Variants in EDIL3 observed in about 807,000 individuals in gnomAD.
The protein encoded by EDIL3 is EGF like and discoidin domains 3, also known as EGF-like repeat and discoidin I-like domain-containing protein 3.
Under a neutral mutation model 67.4 loss-of-function variants are expected in EDIL3, and 37 were observed. That is an observed-to-expected ratio of 0.55 (90% confidence interval 0.42 to 0.72). The LOEUF (loss-of-function observed/expected upper bound fraction) is 0.72, where lower values mean the gene tolerates loss of function less well. EDIL3 is among the 30% of genes least tolerant of loss of function. The pLI, the probability that EDIL3 is intolerant of heterozygous loss-of-function variation, is 0.00. For synonymous variants in EDIL3, 195 were observed against 196.3 expected (o/e 0.99, Z 0.05); for missense variants, 527 against 586.3 (o/e 0.90, Z 1.04).
chr5:84,262,625 T>A (rs1194976267), intron 1 of EDIL3, among the ~76,000 whole-genome samples: 1 of 143,992 alleles, frequency 6.9e-6, no homozygotes, highest in Non-Finnish European at 1.5e-5. Context: ...AACCAGGAAA[T>A]TCAACCATAA....
At chr5:84,084,936 T>A (rs2112261936) in intron 6 of EDIL3, among the ~76,000 whole-genome samples, 1 of 152,362 alleles carries the variant, frequency 6.6e-6, no homozygotes, top group African/African-American at 2.4e-5. Context: ...AATCTACAGT[T>A]CAATTAAAAA....
chr5:84,123,591 G>A (rs963010682), intron 5 of EDIL3, among the ~76,000 whole-genome samples: 6 of 151,828 alleles, frequency 4.0e-5, no homozygotes, highest in African/African-American at 1.4e-4. Context: ...CATTTGAAAA[G>A]TTAGTTTTAA....
chr5:84,336,356 G>C (rs2112171720), intron 1 of EDIL3, among the ~76,000 whole-genome samples: 1 of 152,264 alleles, frequency 6.6e-6, no homozygotes, highest in African/African-American at 2.4e-5. Flanking sequence ...TTATGACTTA[G>C]GTTACTTCTT....
At chr5:84,060,889 T>C (rs983243112) in intron 8 of EDIL3, among the ~76,000 whole-genome samples, 12 of 152,202 alleles carry the variant, frequency 7.9e-5, no homozygotes, top group African/African-American at 2.9e-4. Context: ...GTATTGTTTT[T>C]CTTTTATTTG....
chr5:84,093,115 A>G (rs1580323212), intron 6 of EDIL3, among the ~76,000 whole-genome samples: 1 of 152,166 alleles, frequency 6.6e-6, no homozygotes, highest in Non-Finnish European at 1.5e-5. Context: ...TAGTAAACTG[A>G]GTCGCCAGGG....
chr5:84,064,898 T>A, intron 7 of EDIL3, 54 bp from the exon 8 acceptor site: 1 of 1,563,028 alleles, frequency 6.4e-7, no homozygotes, highest in Non-Finnish European at 8.7e-7. Context: ...TACCTATTTT[T>A]ACATATTTAC....
Position 84,251,395 on chromosome 5 carries a change from G to A in EDIL3, c.196+2689C>T, listed in dbSNP as rs376924098. 4.9e-4 allele frequency among the ~76,000 whole-genome samples: 74 copies of A among 150,444 alleles called. No homozygotes were observed. In the East Asian group the frequency reaches 0.012, roughly 25 times the overall value. On this transcript the variant is annotated intron_variant, in intron 2 of 10. Transcript: ENST00000296591. ...CAAAGTGCTGGGATTACCGACCAGC[G>A]TGAGCCACCACGCCCGGCCTTTTTT...
intron 9 of EDIL3, among the ~76,000 whole-genome samples, chr5:84,022,411 A>G (rs1015456739): frequency 1.3e-5 from 2 of 151,962 alleles, no homozygotes; most frequent in Non-Finnish European, 2.9e-5. Flanking sequence ...TTAAAAGACC[A>G]TACCTTGAAA....
chr5:84,141,585 G>A (rs1748190351), intron 4 of EDIL3, among the ~76,000 whole-genome samples: 1 of 148,106 alleles, frequency 6.8e-6, no homozygotes, highest in South Asian at 2.1e-4. Context: ...GAAGAAAGAA[G>A]GAGAAGAAGG....
chr5:84,353,933 T>G (rs1008236166), intron 1 of EDIL3, among the ~76,000 whole-genome samples: 4 of 152,074 alleles, frequency 2.6e-5, no homozygotes, highest in Non-Finnish European at 5.9e-5. Flanking sequence ...AAACAGAGAG[T>G]GCTGTTTAAA....
At chr5:84,262,668 T>G (rs1164299179) in intron 1 of EDIL3, among the ~76,000 whole-genome samples, 6 of 105,748 alleles carry the variant, frequency 5.7e-5, no homozygotes, top group South Asian at 3.9e-4. Flanking sequence ...GGTTTTTTTT[T>G]TTTTTTTTTT....
At chr5:84,122,552 T>G (rs1747795638) in intron 5 of EDIL3, among the ~76,000 whole-genome samples, 1 of 151,868 alleles carries the variant, frequency 6.6e-6, no homozygotes, top group Non-Finnish European at 1.5e-5. Flanking sequence ...CAATTGAGAC[T>G]CAGAGAGGTT....
At chr5:84,160,111 A>T (rs1459423261) in intron 4 of EDIL3, among the ~76,000 whole-genome samples, 1 of 152,116 alleles carries the variant, frequency 6.6e-6, no homozygotes, top group Admixed American at 6.6e-5. Flanking sequence ...GCTTTGTAGA[A>T]CTACTACTCC....
chr5:84,284,561 T>C (rs1282294191), intron 1 of EDIL3, among the ~76,000 whole-genome samples: 1 of 152,200 alleles, frequency 6.6e-6, no homozygotes, highest in African/African-American at 2.4e-5. Context: ...TTATAATCAA[T>C]CTCATGATAT....
intron 10 of EDIL3, among the ~76,000 whole-genome samples, chr5:83,955,785 G>A (rs1043653987): frequency 6.6e-6 from 1 of 151,766 alleles, no homozygotes; most frequent in Non-Finnish European, 1.5e-5. Context: ...ACAGCTTTCT[G>A]CTTTTGCTCT....
chr5:84,042,780 G>A (rs1746156128), intron 9 of EDIL3, among the ~76,000 whole-genome samples: 1 of 152,242 alleles, frequency 6.6e-6, no homozygotes, highest in Middle Eastern at 3.4e-3. Flanking sequence ...AAATAATGAT[G>A]CTTTCATAGC....
intron 9 of EDIL3, among the ~76,000 whole-genome samples, chr5:84,033,812 C>T (rs936823626): frequency 9.9e-5 from 15 of 152,040 alleles, no homozygotes; most frequent in African/African-American, 2.9e-4. Flanking sequence ...GAGCTGCCAG[C>T]TATCACCTGA....
intron 3 of EDIL3, among the ~76,000 whole-genome samples, chr5:84,209,512 G>T (rs970816503): frequency 5.9e-5 from 9 of 152,072 alleles, no homozygotes; most frequent in African/African-American, 2.2e-4. Context: ...CATCCCACAA[G>T]ATGTGAGCTC....
chr5:84,262,416 G>A (rs1356313218), intron 1 of EDIL3, among the ~76,000 whole-genome samples: 1 of 152,118 alleles, frequency 6.6e-6, no homozygotes, highest in Non-Finnish European at 1.5e-5. Flanking sequence ...GGCAAATGAG[G>A]AAGGTATTTA....
Sources: allele counts gnomAD v4.1 joint callset (sites outside exome capture counted in the v4.1 genomes callset), GRCh38; gene constraint gnomAD v4.1.1; transcripts MANE v1.5; gene names NCBI Gene and HGNC (gene_info 2026-07-23, HGNC 2026-07-21).